PTK2: variants seen among roughly 807,000 people sequenced by gnomAD.
PTK2 encodes the protein protein tyrosine kinase 2, also known as focal adhesion kinase 1.
A neutral mutation model predicts 150.1 loss-of-function variants in PTK2; 45 were observed. The ratio of observed to expected loss-of-function variants is 0.30; its 90% CI spans 0.24 to 0.38. The LOEUF is 0.38. Ranked by LOEUF, PTK2 falls within the 10% of genes least tolerant of loss-of-function variation. The pLI, the probability that PTK2 is intolerant of heterozygous loss-of-function variation, is 1.00. For synonymous variants in PTK2, 432 were observed against 449.2 expected, an observed-to-expected ratio of 0.96 and a Z score of 0.48; for missense variants, 919 against 1,307.3, an observed-to-expected ratio of 0.70 and a Z score of 4.58.
chr8:140,892,008 C>G (rs1053059577), intron 2 of PTK2, among the ~76,000 whole-genome samples: 1 of 151,926 alleles, frequency 6.6e-6, no homozygotes, highest in African/African-American at 2.4e-5. Context: ...GAGTTTGAGA[C>G]CAGTCTGGGC....
intron 27 of PTK2, among the ~76,000 whole-genome samples, chr8:140,676,399 TTA>T: frequency 9.1e-6 from 1 of 109,734 alleles, no homozygotes; most frequent in South Asian, 2.7e-4. Context: ...AATTAATTAA[TTA>T]ATTAATTAAT....
At chr8:140,992,014 A>G (rs1370887678) in intron 1 of PTK2, among the ~76,000 whole-genome samples, 3 of 152,138 alleles carry the variant, frequency 2.0e-5, no homozygotes, top group Admixed American at 6.5e-5. Flanking sequence ...ACAACAGGCC[A>G]GGCACAGTGG....
At chr8:140,906,948 G>A (rs975340579) in intron 2 of PTK2, among the ~76,000 whole-genome samples, 2 of 152,100 alleles carry the variant, frequency 1.3e-5, no homozygotes, top group Non-Finnish European at 2.9e-5. Flanking sequence ...TCAATGAAAT[G>A]AGTTACCTGA....
chr8:140,679,788 T>A lies in PTK2; in HGVS notation c.2563-4289A>T, dbSNP rs559528551. Among the ~76,000 whole-genome samples, 26 of 151,906 alleles carry A rather than the reference T, an allele frequency of 1.7e-4. No individual in the cohort carries two copies. The South Asian group carries it at 5.0e-3, about 29-fold the overall frequency. On this transcript the variant is annotated intron_variant, in intron 27 of 31. Transcript: ENST00000522684. ...ATTAATGTTTACTAACTAGTTCACA[T>A]CCATTTATAATCTACACGGCTTTCT...
intron 29 of PTK2, among the ~76,000 whole-genome samples, chr8:140,670,485 AACAACACACACAC>A (rs1256949064): frequency 5.4e-5 from 2 of 36,934 alleles, no homozygotes; most frequent in African/African-American, 1.8e-4. Context: ...AAAAAAAAAC[AACAACACACACAC>A]ACACACACAC....
intron 1 of PTK2, among the ~76,000 whole-genome samples, chr8:140,966,852 CA>C (rs1417116091): frequency 1.3e-5 from 2 of 152,210 alleles, no homozygotes; most frequent in Non-Finnish European, 2.9e-5. Flanking sequence ...TTTTAACCTA[CA>C]AACTAAAATT....
chr8:140,835,926 T>TGAGTGAGTATGGGGTTGGGG (rs1289976561), intron 7 of PTK2, among the ~76,000 whole-genome samples: 1 of 152,066 alleles, frequency 6.6e-6, no homozygotes, highest in Non-Finnish European at 1.5e-5. Context: ...TGTCCCAGGA[T>TGAGTGAGTATGGGGTTGGGG]GAGTGAGTAT....
intron 27 of PTK2, among the ~76,000 whole-genome samples, chr8:140,679,316 C>T (rs939564592): frequency 6.6e-6 from 1 of 152,020 alleles, no homozygotes; most frequent in Non-Finnish European, 1.5e-5. Context: ...TGAGCCACCG[C>T]GCCTGGCCCC....
intron 10 of PTK2, 124 bp from the exon 11 acceptor site, chr8:140,803,774 A>C (rs546872422): frequency 1.2e-6 from 1 of 830,440 alleles, no homozygotes; most frequent in African/African-American, 1.7e-5. Flanking sequence ...AGGTCTGGGG[A>C]AAAAAACAGA....
intron 1 of PTK2, among the ~76,000 whole-genome samples, chr8:140,927,036 A>G (rs1031586416): frequency 3.3e-5 from 5 of 152,220 alleles, no homozygotes; most frequent in African/African-American, 1.2e-4. Flanking sequence ...GGCTCCTGAA[A>G]TCTGTAAGAT....
chr8:140,745,494 T>C (rs2100058175), intron 18 of PTK2, among the ~76,000 whole-genome samples: 1 of 152,208 alleles, frequency 6.6e-6, no homozygotes. Flanking sequence ...CAAGAAATTA[T>C]ACATAAGCAC....
chr8:140,927,513 G>A (rs1279130911), intron 1 of PTK2: 1 of 152,186 alleles, frequency 6.6e-6, no homozygotes, highest in African/African-American at 2.4e-5. Context: ...TGGCCTGGGG[G>A]TCTGATGGTG....
rs144397155 is a variant in PTK2 at position 140,796,944 on chromosome 8, G to A, written c.1093+3515C>T. On this transcript the variant is annotated intron_variant, in intron 12 of 31. Transcript: ENST00000522684. Reference sequence around the variant, plus strand: ...AGCTATTTTTTTAAACAGCTGCATAGTATTACATCATGTATGCATACTCCC... The same window carrying A: ...AGCTATTTTTTTAAACAGCTGCATAATATTACATCATGTATGCATACTCCC... Among the ~76,000 whole-genome samples, 619 of 152,162 alleles carry A rather than the reference G, an allele frequency of 4.1e-3. 3 individuals carry two copies. Among genetic ancestry groups the A allele is most frequent in the African/African-American group, 0.014 (601 of 41,528 alleles).
chr8:140,735,330 G>A (rs774579534), exon 22 of PTK2: 29 of 1,614,124 alleles, frequency 1.8e-5, no homozygotes, highest in Middle Eastern at 3.3e-4. Flanking sequence ...AGGCTGTAGA[G>A]GGTAGGAGGA....
intron 30 of PTK2, 70 bp from the exon 35 acceptor site, chr8:140,665,067 T>A (rs1458266020): frequency 3.6e-6 from 5 of 1,387,262 alleles, no homozygotes; most frequent in East Asian, 4.7e-5. Context: ...AGTTATATAT[T>A]TTTTTATTTC....
At chr8:140,917,206 C>T (rs1432319319) in intron 2 of PTK2, among the ~76,000 whole-genome samples, 1 of 152,098 alleles carries the variant, frequency 6.6e-6, no homozygotes, top group African/African-American at 2.4e-5. Flanking sequence ...GCCTGGCCAA[C>T]ATGGTGAAAC....
chr8:140,848,059 A>G (rs1468130655), intron 5 of PTK2, among the ~76,000 whole-genome samples: 1 of 152,244 alleles, frequency 6.6e-6, no homozygotes, highest in Non-Finnish European at 1.5e-5. Flanking sequence ...TGGAGAAATC[A>G]TAGTATAAAC....
chr8:140,813,317 A>C (rs2100102723), intron 10 of PTK2, among the ~76,000 whole-genome samples: 2 of 152,128 alleles, frequency 1.3e-5, no homozygotes, highest in East Asian at 1.9e-4. Context: ...AGAAATCAAG[A>C]AGTGCTTTGA....
chr8:140,911,935 A>G lies in PTK2; in HGVS notation c.-33+13726T>C, dbSNP rs144388293. 2.4e-4 allele frequency among the ~76,000 whole-genome samples: 36 copies of G among 152,340 alleles called. 1 individual carries two copies. In the East Asian group the frequency reaches 6.0e-3, roughly 25 times the overall value. ...GCACAAAGTATTATCAAATTTAGCT[A>G]TATCAAAATAGAATAGGCCAGGCGC... On this transcript the variant is annotated intron_variant, in intron 2 of 31. Transcript: ENST00000522684.
Sources: allele counts gnomAD v4.1 joint callset (sites outside exome capture counted in the v4.1 genomes callset), GRCh38; gene constraint gnomAD v4.1.1; transcripts MANE v1.5; gene names NCBI Gene and HGNC (gene_info 2026-07-23, HGNC 2026-07-21).